Variants in SGCG observed in about 807,000 individuals in gnomAD.
SGCG encodes gamma-sarcoglycan.
A neutral mutation model predicts 29.3 loss-of-function variants in SGCG; 26 were observed. The ratio of observed to expected loss-of-function variants is 0.89; its 90% confidence interval spans 0.65 to 1.23. SGCG has a LOEUF of 1.23. Among genes scored for constraint, SGCG ranks in the 50% most tolerant of loss-of-function variants. SGCG has a pLI of 0.00. For missense variants in SGCG, 353 were observed against 356.0 expected, an observed-to-expected ratio of 0.99 and a Z score of 0.07; for synonymous variants, 145 against 129.7, an observed-to-expected ratio of 1.12 and a Z score of -0.80.
At position 23,220,598 on chromosome 13, in the gene SGCG, A is replaced by G. The variant is rs549760330; in HGVS notation, c.196-14013A>G. On this transcript the variant is annotated intron_variant, in intron 2 of 7. Transcript: ENST00000218867. ...ATAGCAATTTCATTAAATGAAATATAAGCTCAATAAATAAATTGACAAATT... is the reference window on the plus strand; with the variant it reads ...ATAGCAATTTCATTAAATGAAATATGAGCTCAATAAATAAATTGACAAATT... 8.5e-5 allele frequency among the ~76,000 whole-genome samples: 13 copies of G among 152,366 alleles called. No homozygotes were observed. In the South Asian group the frequency reaches 2.7e-3, roughly 32 times the overall value.
At chr13:23,193,496 A>AGGGCTT (rs1295796901) in intron 1 of SGCG, among the ~76,000 whole-genome samples, 2 of 151,356 alleles carry the variant, frequency 1.3e-5, no homozygotes, top group East Asian at 4.0e-4. Context: ...TGTGGCAGGC[A>AGGGCTT]GGGCTTGCTG....
intron 1 of SGCG, among the ~76,000 whole-genome samples, chr13:23,185,412 G>C (rs1223786617): frequency 1.3e-5 from 2 of 152,134 alleles, no homozygotes; most frequent in African/African-American, 4.8e-5. Context: ...GAATGGTCTC[G>C]ATCTCCTGAC....
At chr13:23,201,108 G>A (rs1593169646) in intron 1 of SGCG, among the ~76,000 whole-genome samples, 1 of 152,210 alleles carries the variant, frequency 6.6e-6, no homozygotes, top group African/African-American at 2.4e-5. Flanking sequence ...CAGGCAGGGG[G>A]ATAGTCAGGT....
intron 2 of SGCG, among the ~76,000 whole-genome samples, chr13:23,215,422 G>A (rs1187277771): frequency 6.6e-6 from 1 of 152,066 alleles, no homozygotes; most frequent in Admixed American, 6.6e-5. Flanking sequence ...TTGAGATACT[G>A]TAAAAATAGT....
chr13:23,277,276 A>G (rs1019847710), intron 4 of SGCG, among the ~76,000 whole-genome samples: 4 of 152,228 alleles, frequency 2.6e-5, no homozygotes, highest in Admixed American at 6.5e-5. Flanking sequence ...ATAACTTGAT[A>G]GTCACCATTA....
chr13:23,310,982 T>C (rs1162460089), intron 6 of SGCG, among the ~76,000 whole-genome samples: 1 of 152,240 alleles, frequency 6.6e-6, no homozygotes, highest in African/African-American at 2.4e-5. Flanking sequence ...GCACATTTTG[T>C]AATGTCCACT....
chr13:23,311,285 C>T (rs1187044030), intron 6 of SGCG, among the ~76,000 whole-genome samples: 1 of 152,208 alleles, frequency 6.6e-6, no homozygotes, highest in Admixed American at 6.5e-5. Context: ...AGTTTCACCA[C>T]GGTGTCTGGT....
intron 4 of SGCG, among the ~76,000 whole-genome samples, chr13:23,276,463 C>G (rs1290355075): frequency 9.5e-6 from 1 of 105,458 alleles, no homozygotes; most frequent in African/African-American, 3.2e-5. Flanking sequence ...GACAGAGTCT[C>G]GCTCTGTTGC....
chr13:23,293,763 G>A (rs1209523964), intron 5 of SGCG, among the ~76,000 whole-genome samples: 39 of 151,940 alleles, frequency 2.6e-4, no homozygotes, highest in Admixed American at 1.9e-3. Flanking sequence ...ACTGGGAGGC[G>A]GAGATTGCAG....
At chr13:23,209,484 G>A (rs1176726236) in intron 2 of SGCG, among the ~76,000 whole-genome samples, 1 of 152,196 alleles carries the variant, frequency 6.6e-6, no homozygotes, top group Non-Finnish European at 1.5e-5. Context: ...TGGCATTTTA[G>A]TGACATTTAT....
At chr13:23,239,105 C>G (rs1879413562) in intron 3 of SGCG, among the ~76,000 whole-genome samples, 1 of 151,986 alleles carries the variant, frequency 6.6e-6, no homozygotes, top group Non-Finnish European at 1.5e-5. Flanking sequence ...TTTAAGCCTA[C>G]AGATAAAACA....
chr13:23,243,480 C>T (rs931247988), intron 3 of SGCG: 1 of 152,264 alleles, frequency 6.6e-6, no homozygotes, highest in Non-Finnish European at 1.5e-5. Flanking sequence ...TACCCCTAGC[C>T]TCAAGACAGT....
chr13:23,299,451 TA>T (rs59855093), intron 6 of SGCG, among the ~76,000 whole-genome samples: 50 of 45,450 alleles, frequency 1.1e-3, no homozygotes, highest in African/African-American at 2.6e-3. Context: ...TATATATATA[TA>T]TATATTTTTT....
chr13:23,267,055 T>A (rs1489490251), intron 4 of SGCG, among the ~76,000 whole-genome samples: 1 of 152,234 alleles, frequency 6.6e-6, no homozygotes, highest in African/African-American at 2.4e-5. Flanking sequence ...CAGTGGAATC[T>A]TACCACTGAT....
the SGCG span, among the ~76,000 whole-genome samples, chr13:23,173,208 T>C: frequency 6.6e-6 from 1 of 152,132 alleles, no homozygotes; most frequent in Non-Finnish European, 1.5e-5. Flanking sequence ...ATCATGGGTC[T>C]CCAAAGGGAA....
intron 2 of SGCG, among the ~76,000 whole-genome samples, chr13:23,224,694 C>G (rs2137532952): frequency 9.6e-6 from 1 of 103,998 alleles, no homozygotes; most frequent in Non-Finnish European, 2.1e-5. Flanking sequence ...CACACCAGTG[C>G]AAGCACTGCT....
At chr13:23,163,853 A>G in the SGCG span, among the ~76,000 whole-genome samples, 1 of 152,244 alleles carries the variant, frequency 6.6e-6, no homozygotes, top group Non-Finnish European at 1.5e-5. Context: ...TAAAAAGGCT[A>G]AAACTAAGTA....
rs1037463336 is a variant in SGCG at position 23,252,694 on chromosome 13, A to C, written c.385+1977A>C. Among the ~76,000 whole-genome samples, 6 of 148,330 alleles carry C rather than the reference A, an allele frequency of 4.0e-5. No homozygotes were observed. The East Asian group carries it at 1.0e-3, about 25-fold the overall frequency. On this transcript the variant is annotated intron_variant, in intron 4 of 7. Coordinates refer to ENST00000218867, the MANE Select transcript of SGCG (RefSeq NM_000231.3). ...CGACAGAGTGAGACTGTGTCTCAAA[A>C]AAAACAAAACAAAACAAACAAACAA...
At chr13:23,314,407 T>TATATATATATATATAA (rs1439124394) in intron 6 of SGCG, among the ~76,000 whole-genome samples, 2 of 140,954 alleles carry the variant, frequency 1.4e-5, no homozygotes, top group African/African-American at 5.3e-5. Flanking sequence ...TATATATATA[T>TATATATATATATATAA]AATCTTATTC....
Sources: allele counts gnomAD v4.1 joint callset (sites outside exome capture counted in the v4.1 genomes callset), GRCh38; gene constraint gnomAD v4.1.1; transcripts MANE v1.5; gene names NCBI Gene and HGNC (gene_info 2026-07-23, HGNC 2026-07-21).